The following BARX1 variants were observed in gnomAD, a reference collection of about 807,000 sequenced individuals.
BARX1 encodes BARX homeobox 1.
BARX1 carries 10 observed loss-of-function variants against 19.6 expected under a neutral mutation model. The observed-to-expected ratio is 0.51, with a 90% confidence interval of 0.31 to 0.86. The LOEUF is 0.86. Ranked by LOEUF, BARX1 falls within the 40% of genes least tolerant of loss-of-function variation. The pLI, the probability that BARX1 is intolerant of heterozygous loss-of-function variation, is 0.04. For missense variants in BARX1, 309 were observed against 360.4 expected (o/e 0.86, Z 1.15); for synonymous variants, 177 against 170.0 (o/e 1.04, Z -0.32).
Position 93,952,000 on chromosome 9 carries a change from C to G in BARX1, c.*164G>C, listed in dbSNP as rs954068562. 6.0e-6 allele frequency: 6 copies of G among 991,786 alleles called. No homozygotes were observed. Among genetic ancestry groups the G allele is most frequent in the African/African-American group, 1.6e-5 (1 of 60,980 alleles). The allele number at this position is 991,786 out of a possible 1,614,324, so 61.4% of individuals were successfully genotyped here. A position where few individuals can be genotyped will look rare whatever the true frequency, so the allele number is the denominator to read the frequency against. On this transcript the variant is annotated 3_prime_UTR_variant, in exon 4 of 4. Transcript: ENST00000253968. ...TGGGACCTGGGTCTGGCTTTTGGGT[C>G]TGTGTCCTTCCTCGTTTGGCCCCAA...
chr9:93,953,514 G>T, intron 1 of BARX1: 21 of 334,056 alleles, frequency 6.3e-5, no homozygotes, highest in East Asian at 1.1e-4. Context: ...GTCTTTCGGG[G>T]AAAGTAGAAA....
In BARX1 at chr9:93,952,250, G is replaced by T. The variant is rs1324622909; in HGVS notation, c.679C>A (p.Gln227Lys). ...PKKNSIPTSE[Q>K]LTEQERAKDA... The stretch of plus-strand genomic sequence containing the variant: ...TTGGCGCGCTCCTGCTCAGTAAGCT[G>T]CTCGCTCGTTGGAATTGAGTTCTTC... Residue 227 changes from glutamine to lysine, a missense_variant, in exon 4 of 4, where the codon CAG becomes AAG. By Grantham distance (53) the Gln-to-Lys change is moderately conservative. Transcript: ENST00000253968. The T allele has an allele frequency of 2.5e-6, 4 of 1,612,376 alleles. No individual in the cohort carries two copies.
chr9:93,953,892 C>G (rs1829129950), intron 1 of BARX1, among the ~76,000 whole-genome samples: 1 of 152,194 alleles, frequency 6.6e-6, no homozygotes, highest in Non-Finnish European at 1.5e-5. Context: ...TTAGAAGGAG[C>G]GCGCTGGCCC....
intron 1 of BARX1, among the ~76,000 whole-genome samples, chr9:93,953,886 AAGG>A (rs990643228): frequency 2.0e-5 from 3 of 152,200 alleles, no homozygotes; most frequent in African/African-American, 7.2e-5. Context: ...CTGGACTTAG[AAGG>A]AGCGCGCTGG....
At position 93,954,962 on chromosome 9, in the gene BARX1, T is replaced by G; in HGVS notation, c.185A>C (p.Gln62Pro). The change falls in exon 1 of 4, where the codon CAG (glutamine) becomes CCG (proline). Residue 62 changes from glutamine to proline, a missense_variant. Coordinates refer to ENST00000253968, the MANE Select transcript of BARX1 (RefSeq NM_021570.4). The stretch of plus-strand genomic sequence containing the variant: ...GAAGGGCCGCGCCGCCAGCAGCGCC[T>G]GCACGCCGAACTTCAGCAGCTCGCC... Reference protein sequence around the residue: ...AAGELLKFGVQALLAARPFHS... With the variant: ...AAGELLKFGVPALLAARPFHS... The G allele has an allele frequency of 7.2e-7, 1 of 1,388,474 alleles. No individual in the cohort carries two copies. Among genetic ancestry groups the G allele is most frequent in the Non-Finnish European group, 9.3e-7 (1 of 1,076,220 alleles). The allele number at this position is 1,388,474 out of a possible 1,614,324, so 86.0% of individuals were successfully genotyped here.
intron 3 of BARX1, among the ~76,000 whole-genome samples, 199 bp from the exon 4 acceptor site, chr9:93,952,527 G>A (rs1829114749): frequency 6.6e-6 from 1 of 152,254 alleles, no homozygotes; most frequent in South Asian, 2.1e-4. Flanking sequence ...CTGCCAGGAG[G>A]CCTGAAGGTG....
At chr9:93,952,438 G>T in intron 3 of BARX1, 110 bp from the exon 4 acceptor site, 1 of 1,408,308 alleles carries the variant, frequency 7.1e-7, no homozygotes, top group South Asian at 1.4e-5. Flanking sequence ...ATGAGGAAAT[G>T]GTGGGGAAAT....
intron 1 of BARX1, among the ~76,000 whole-genome samples, chr9:93,953,587 C>G (rs1378429091): frequency 6.6e-6 from 1 of 152,256 alleles, no homozygotes; most frequent in Non-Finnish European, 1.5e-5. Context: ...ATCAGCCTTG[C>G]TGCGTTAGAA....
Position 93,951,904 on chromosome 9 carries a change from A to T in BARX1, c.*260T>A, listed in dbSNP as rs1298669042. The T allele has an allele frequency of 2.0e-6, 1 of 512,562 alleles. No homozygotes were observed. Among genetic ancestry groups the T allele is most frequent in the African/African-American group, 1.9e-5 (1 of 52,060 alleles). 31.8% of individuals were successfully genotyped at this position (512,562 alleles called of 1,614,324 possible). On this transcript the variant is annotated 3_prime_UTR_variant, in exon 4 of 4. Transcript: ENST00000253968. Reference sequence around the variant, plus strand: ...ACGCGTGGAGCGCTCTGCGCCACGGAGCTCAGGGTAGAGACTGTAGCTTCC... The same window carrying T: ...ACGCGTGGAGCGCTCTGCGCCACGGTGCTCAGGGTAGAGACTGTAGCTTCC...
At chr9:93,952,394 GA>G in intron 3 of BARX1, 66 bp from the exon 4 acceptor site, 1 of 1,554,596 alleles carries the variant, frequency 6.4e-7, no homozygotes, top group Non-Finnish European at 8.7e-7. Flanking sequence ...GAGGAGACTT[GA>G]ACCCAGGTAG....
chr9:93,955,169 G>A lies in BARX1; in HGVS notation c.-23C>T, dbSNP rs1829147545. On this transcript the variant is annotated 5_prime_UTR_variant, in exon 1 of 4. Transcript: ENST00000253968. The surrounding 1 kb of genome is among the most constrained non-coding windows in gnomAD (Gnocchi z 4.4). ...CATCGCGGCGCCCACTGCTGCGCCC[G>A]CGGTTTGGCGGCGGCGGCGGCGACG... 1 of 1,020,466 alleles carries A rather than the reference G, an allele frequency of 9.8e-7. No homozygotes were observed. Among genetic ancestry groups the A allele is most frequent in the Middle Eastern group, 4.7e-4 (1 of 2,134 alleles). 63.2% of individuals were successfully genotyped at this position (1,020,466 alleles called of 1,614,324 possible). A position where few individuals can be genotyped will look rare whatever the true frequency, so the allele number is the denominator to read the frequency against.
chr9:93,952,704 G>C lies in BARX1; in HGVS notation c.600+25C>G, dbSNP rs773604385. 4 of 1,609,762 alleles carry C rather than the reference G, an allele frequency of 2.5e-6. No individual in the cohort carries two copies. In the Admixed American group the frequency reaches 6.7e-5, roughly 27 times the overall value. On this transcript the variant is annotated intron_variant, in intron 3 of 3. Transcript: ENST00000253968. Reference sequence around the variant, plus strand: ...GGGGCATGGCCCAGGAAGCTGAGGGGTGGGAAGCCACCAGGCACACTCACT... The same window carrying C: ...GGGGCATGGCCCAGGAAGCTGAGGGCTGGGAAGCCACCAGGCACACTCACT...
At position 93,955,243 on chromosome 9, in the gene BARX1, C is replaced by G. The variant is rs1478864480; in HGVS notation, c.-97G>C. On this transcript the variant is annotated 5_prime_UTR_variant, in exon 1 of 4. Transcript: ENST00000253968. This position sits in a 1 kb window ranked among gnomAD's most constrained non-coding sequence, Gnocchi z 4.4. ...CGCGGGGCTCTAGGCCGGCCCGCAG[C>G]TCGGGGCGGCGCGCGGGCGCCGGCT... 1.4e-5 allele frequency: 7 copies of G among 493,080 alleles called. No individual in the cohort carries two copies. Among genetic ancestry groups the G allele is most frequent in the African/African-American group, 1.3e-4 (6 of 46,892 alleles). The allele number at this position is 493,080 out of a possible 1,614,324, so 30.5% of individuals were successfully genotyped here. A position where few individuals can be genotyped will look rare whatever the true frequency, so the allele number is the denominator to read the frequency against.
Position 93,952,021 on chromosome 9 carries a change from C to T in BARX1, c.*143G>A. On this transcript the variant is annotated 3_prime_UTR_variant, in exon 4 of 4. Coordinates refer to ENST00000253968, the MANE Select transcript of BARX1 (RefSeq NM_021570.4). Reference sequence around the variant, plus strand: ...GGGTCTGTGTCCTTCCTCGTTTGGCCCCAATTGTCCGCATTCAAGATCATA... The same window carrying T: ...GGGTCTGTGTCCTTCCTCGTTTGGCTCCAATTGTCCGCATTCAAGATCATA... 1 of 1,154,422 alleles carries T rather than the reference C, an allele frequency of 8.7e-7. No individual in the cohort carries two copies. The highest frequency in any genetic ancestry group is 1.2e-6 in the Non-Finnish European group (1 of 837,704). 71.5% of individuals were successfully genotyped at this position (1,154,422 alleles called of 1,614,324 possible). A position where few individuals can be genotyped will look rare whatever the true frequency, so the allele number is the denominator to read the frequency against.
At chr9:93,953,370 C>T (rs1030424157) in intron 1 of BARX1, 183 bp from the exon 2 acceptor site, 2 of 665,586 alleles carry the variant, frequency 3.0e-6, no homozygotes, top group African/African-American at 1.9e-5. Flanking sequence ...TTGCCGTTCC[C>T]CAGATTTGGG....
Position 93,952,121 on chromosome 9 carries a change from G to A in BARX1, c.*43C>T, listed in dbSNP as rs766953714. ...CGGGTTTCCGCCGAGTGAGGGGGCT[G>A]CGGGTGGCGCGGGCATCCCAGGCCC... On this transcript the variant is annotated 3_prime_UTR_variant, in exon 4 of 4. Transcript: ENST00000253968. 1.3e-6 allele frequency: 2 copies of A among 1,583,352 alleles called. No homozygotes were observed. The highest frequency in any genetic ancestry group is 1.1e-5 in the South Asian group (1 of 89,388).
intron 1 of BARX1, among the ~76,000 whole-genome samples, chr9:93,954,589 G>T (rs1276336351): frequency 2.0e-5 from 3 of 152,266 alleles, no homozygotes; most frequent in African/African-American, 4.8e-5. Context: ...GCCTGAGGTC[G>T]CTTCCACCCA....
chr9:93,952,597 G>A, intron 3 of BARX1, 132 bp downstream of exon 3: 1 of 1,129,770 alleles, frequency 8.9e-7, no homozygotes. Context: ...AGAGGATTCC[G>A]GTGCGTACCA....
intron 3 of BARX1, 119 bp downstream of exon 3, chr9:93,952,610 C>G (rs1829115972): frequency 1.7e-6 from 2 of 1,203,692 alleles, no homozygotes; most frequent in Non-Finnish European, 2.4e-6. Context: ...GCGTACCAGG[C>G]ACCGAGGGAA....
Sources: gnomAD v4.1 joint callset for allele counts (sites outside exome capture counted in the v4.1 genomes callset) on GRCh38, gnomAD v4.1.1 for gene constraint, Gnocchi (gnomAD v3.1) non-coding constraint, MANE v1.5 for transcripts, NCBI Gene and HGNC (gene_info 2026-07-23, HGNC 2026-07-21) for gene names.